The following NFASC variants were observed in gnomAD, a reference collection of about 807,000 sequenced individuals.
NFASC encodes the protein neurofascin homolog.
A neutral mutation model predicts 147.5 loss-of-function variants in NFASC; 43 were observed. That is an observed-to-expected ratio of 0.29 (90% confidence interval 0.23 to 0.38). NFASC has a LOEUF of 0.38. Ranked by LOEUF, NFASC falls within the 10% of genes least tolerant of loss-of-function variation. The pLI, the probability that NFASC is intolerant of heterozygous loss-of-function variation, is 1.00. For synonymous variants in NFASC, 622 were observed against 665.5 expected (o/e 0.93, Z 1.01); for missense variants, 1,320 against 1,689.0 (o/e 0.78, Z 3.83).
chr1:204,882,651 T>C (rs1258457703), intron 1 of NFASC, among the ~76,000 whole-genome samples: 1 of 152,176 alleles, frequency 6.6e-6, no homozygotes, highest in Admixed American at 6.5e-5. Context: ...TGTTTACCCC[T>C]GAATCCCATT....
intron 7 of NFASC, 59 bp from the exon 8 acceptor site, chr1:204,957,597 G>C: frequency 6.5e-7 from 1 of 1,530,058 alleles, no homozygotes; most frequent in Non-Finnish European, 9.0e-7. Flanking sequence ...CCAGGACTGC[G>C]GTGGTGATGA....
At chr1:204,842,864 G>A (rs1675769179) in intron 1 of NFASC, among the ~76,000 whole-genome samples, 1 of 152,208 alleles carries the variant, frequency 6.6e-6, no homozygotes. Context: ...GGGGCCATCA[G>A]TGTGTTGCCT....
chr1:204,994,635 A>G (rs1294459335), intron 24 of NFASC, among the ~76,000 whole-genome samples: 1 of 152,124 alleles, frequency 6.6e-6, no homozygotes, highest in East Asian at 1.9e-4. Context: ...ATTCAGGTTA[A>G]AAGGGAGTGT....
At chr1:204,909,258 AT>A (rs1344737703) in intron 1 of NFASC, among the ~76,000 whole-genome samples, 4 of 151,958 alleles carry the variant, frequency 2.6e-5, no homozygotes, top group Non-Finnish European at 4.4e-5. Context: ...TGTTGTCACA[AT>A]TTTTTTTAAA....
intron 2 of NFASC, among the ~76,000 whole-genome samples, chr1:204,937,235 C>T (rs2092938614): frequency 6.6e-6 from 1 of 152,040 alleles, no homozygotes; most frequent in Admixed American, 6.6e-5. Flanking sequence ...CGTACACAGC[C>T]CCCTCCATTA....
At chr1:204,926,450 G>A (rs1282538925) in intron 2 of NFASC, among the ~76,000 whole-genome samples, 4 of 120,130 alleles carry the variant, frequency 3.3e-5, no homozygotes, top group African/African-American at 6.9e-5. Flanking sequence ...GGGTCTCACT[G>A]TTGTTCAGGC....
In NFASC at chr1:205,002,743, G is replaced by A. The variant is rs2096016921; in HGVS notation, c.3284G>A (p.Ser1095Asn). 1 of 1,498,988 alleles carries A rather than the reference G, an allele frequency of 6.7e-7. No individual in the cohort carries two copies. Among genetic ancestry groups the A allele is most frequent in the South Asian group, 1.3e-5 (1 of 77,310 alleles). The allele number at this position is 1,498,988 out of a possible 1,614,324, so 92.9% of individuals were successfully genotyped here. A position where few individuals can be genotyped will look rare whatever the true frequency, so the allele number is the denominator to read the frequency against. Residue 1095 changes from serine to asparagine, a missense_variant, in exon 27 of 30, where the codon AGT (serine) becomes AAT (asparagine). Coordinates refer to ENST00000339876, the MANE Select transcript of NFASC (RefSeq NM_001005388.3). ...AGTACCGTCATCACCTTTATGACCA[G>A]TACAGGTGAGAGGGGACCTGGCCTG... ...ISSTVITFMT[S>N]TAYTNNQADI...
chr1:204,963,867 C>A (rs2094810854), intron 8 of NFASC, among the ~76,000 whole-genome samples: 1 of 152,198 alleles, frequency 6.6e-6, no homozygotes, highest in Non-Finnish European at 1.5e-5. Flanking sequence ...GAAAAGTGCC[C>A]AGGGCATCTG....
At chr1:204,950,164 T>G (rs2149918714) in intron 3 of NFASC, among the ~76,000 whole-genome samples, 1 of 152,340 alleles carries the variant, frequency 6.6e-6, no homozygotes, top group South Asian at 2.1e-4. Context: ...CTGTTCACTG[T>G]TGGCTGAGGA....
chr1:204,902,236 A>G (rs927172691), intron 1 of NFASC, among the ~76,000 whole-genome samples: 8 of 152,216 alleles, frequency 5.3e-5, no homozygotes, highest in African/African-American at 1.9e-4. Flanking sequence ...TCAAGACTGC[A>G]GTGAGCTGTG....
At chr1:204,897,382 C>T (rs1478840572) in intron 1 of NFASC, among the ~76,000 whole-genome samples, 2 of 152,084 alleles carry the variant, frequency 1.3e-5, no homozygotes, top group African/African-American at 4.8e-5. Flanking sequence ...AACCCCGGAG[C>T]AAGGCCTTGT....
At chr1:204,944,082 G>C in intron 2 of NFASC, 144 bp from the exon 3 acceptor site, 1 of 697,668 alleles carries the variant, frequency 1.4e-6, no homozygotes, top group Non-Finnish European at 2.4e-6. Flanking sequence ...CGTGTCAGTA[G>C]TGTTGAGGTT....
At chr1:204,931,326 A>G (rs896616375) in intron 2 of NFASC, among the ~76,000 whole-genome samples, 1 of 152,010 alleles carries the variant, frequency 6.6e-6, no homozygotes, top group Non-Finnish European at 1.5e-5. Flanking sequence ...GTATACTTCT[A>G]TTTCCTCCTA....
intron 3 of NFASC, chr1:204,946,814 G>A (rs1256936668): frequency 6.0e-6 from 3 of 503,114 alleles, no homozygotes; most frequent in Admixed American, 2.0e-5. Context: ...CTTCTTTTTC[G>A]GCAGACCCCA....
At chr1:204,969,805 T>C (rs1439773399) in intron 10 of NFASC, among the ~76,000 whole-genome samples, 7 of 151,998 alleles carry the variant, frequency 4.6e-5, no homozygotes. Context: ...TAGCTGGGCG[T>C]GGTGGCTCAT....
chr1:204,828,807 G>C lies in NFASC; in HGVS notation c.-200+25G>C, dbSNP rs909932916. On this transcript the variant is annotated intron_variant, in intron 1 of 29. Transcript: ENST00000339876. The stretch of plus-strand genomic sequence containing the variant: ...GGTAGGCGAGCGCGAACACCGGAGA[G>C]ATGGGGGTAGAGAGTCATGGAAACC... 1.1e-5 allele frequency: 11 copies of C among 985,320 alleles called. No individual in the cohort carries two copies. In the African/African-American group the frequency reaches 1.9e-4, roughly 17 times the overall value. 61.0% of individuals were successfully genotyped at this position (985,320 alleles called of 1,614,324 possible).
At position 204,986,026 on chromosome 1, in the gene NFASC, C is replaced by G; in HGVS notation, c.2471-1392C>G. 1 of 1,614,134 alleles carries G rather than the reference C, an allele frequency of 6.2e-7. No homozygotes were observed. On this transcript the variant is annotated intron_variant, in intron 21 of 29. Coordinates refer to ENST00000339876, the MANE Select transcript of NFASC (RefSeq NM_001005388.3). The surrounding 1 kb of genome is among the most constrained non-coding windows in gnomAD (Gnocchi z 4.2). ...GCGTGGTGTCCCGCCTCTTCCCCTA[C>G]AGTAACTACAAGCTGGAGATGGTTG... is the stretch of plus-strand genomic sequence containing the variant.
At chr1:204,936,198 C>CTTTTTTTTTTTT (rs749844237) in intron 2 of NFASC, among the ~76,000 whole-genome samples, 2 of 71,880 alleles carry the variant, frequency 2.8e-5, no homozygotes, top group Non-Finnish European at 4.8e-5. Flanking sequence ...CTCTCTCTTT[C>CTTTTTTTTTTTT]TTTTTCTTTT....
At position 204,978,951 on chromosome 1, in the gene NFASC, G is replaced by A. The variant is rs1461399421; in HGVS notation, c.1877-17G>A. The stretch of plus-strand genomic sequence containing the variant: ...TGCTCTAACTCAGGAGGCCTGCGTG[G>A]TGTCTTCTGCCACCAGGACGGCCAG... On this transcript the variant is annotated splice_polypyrimidine_tract_variant and intron_variant, in intron 17 of 29. Transcript: ENST00000339876. The A allele has an allele frequency of 1.9e-6, 3 of 1,545,536 alleles. No individual in the cohort carries two copies. The highest frequency in any genetic ancestry group is 1.4e-5 in the African/African-American group (1 of 73,008).
Sources: allele counts gnomAD v4.1 joint callset (sites outside exome capture counted in the v4.1 genomes callset), GRCh38; gene constraint gnomAD v4.1.1; non-coding constraint Gnocchi (gnomAD v3.1); transcripts MANE v1.5; gene names NCBI Gene and HGNC (gene_info 2026-07-23, HGNC 2026-07-21).